XIRP2: variants seen among roughly 807,000 people sequenced by gnomAD.
XIRP2 encodes xin actin-binding repeat-containing protein 2.
In XIRP2, 236 loss-of-function variants were observed where a neutral mutation model predicts 277.0. That is an observed-to-expected ratio of 0.85 (90% CI 0.77 to 0.95). The LOEUF (loss-of-function observed/expected upper bound fraction) is 0.95. XIRP2 is among the 40% of genes least tolerant of loss of function. The pLI is 0.00. For synonymous variants in XIRP2, 1,490 were observed against 1,416.5 expected, an observed-to-expected ratio of 1.05 and a Z score of -1.17; for missense variants, 4,640 against 4,157.5, an observed-to-expected ratio of 1.12 and a Z score of -3.19.
chr2:167,211,380 C>A (rs1694042473), intron 4 of XIRP2, among the ~76,000 whole-genome samples: 1 of 152,182 alleles, frequency 6.6e-6, no homozygotes, highest in Admixed American at 6.5e-5. Context: ...CAGGCATGAG[C>A]CACTGTGCCC....
At chr2:167,197,561 G>A (rs1693554667) in intron 3 of XIRP2, among the ~76,000 whole-genome samples, 1 of 151,682 alleles carries the variant, frequency 6.6e-6, no homozygotes, top group Non-Finnish European at 1.5e-5. Context: ...AAAAATATTA[G>A]GGAAGTCTCT....
At chr2:167,013,663 A>G (rs1687744530) in intron 2 of XIRP2, among the ~76,000 whole-genome samples, 1 of 151,678 alleles carries the variant, frequency 6.6e-6, no homozygotes, top group Non-Finnish European at 1.5e-5. Context: ...CAAGGGACAT[A>G]TTTGTTACCA....
At chr2:167,014,100 G>A (rs961925159) in intron 2 of XIRP2, among the ~76,000 whole-genome samples, 2 of 151,500 alleles carry the variant, frequency 1.3e-5, no homozygotes, top group African/African-American at 4.8e-5. Context: ...TAGAAATAAT[G>A]ATGCTCTTAT....
intron 2 of XIRP2, among the ~76,000 whole-genome samples, chr2:167,118,363 T>C (rs1690954660): frequency 6.6e-6 from 1 of 151,914 alleles, no homozygotes; most frequent in African/African-American, 2.4e-5. Flanking sequence ...ACGCCTGTAA[T>C]CCCAGCTGCT....
intron 3 of XIRP2, among the ~76,000 whole-genome samples, chr2:167,147,779 G>T (rs1012474008): frequency 7.9e-5 from 12 of 152,236 alleles, no homozygotes; most frequent in Middle Eastern, 6.8e-3. Flanking sequence ...AAACTGTAGT[G>T]GTGAGAATAA....
intron 3 of XIRP2, among the ~76,000 whole-genome samples, chr2:167,145,387 A>C (rs967637525): frequency 1.3e-5 from 2 of 152,174 alleles, no homozygotes; most frequent in African/African-American, 4.8e-5. Context: ...GAAAAGAGGA[A>C]GGGGAATTAT....
chr2:167,247,305 G>C lies in XIRP2; in HGVS notation c.5913G>C (p.Arg1971Ser), dbSNP rs1280777048. 1 of 1,613,560 alleles carries C rather than the reference G, an allele frequency of 6.2e-7. No individual in the cohort carries two copies. Among genetic ancestry groups the C allele is most frequent in the Admixed American group, 1.7e-5 (1 of 59,954 alleles). The change falls in exon 9 of 11, where the codon AGG becomes AGC. Residue 1971 changes from arginine (R) to serine (S), a missense_variant. By Grantham distance (110) the Arg-to-Ser change is moderately radical. Coordinates refer to ENST00000409195, the MANE Select transcript of XIRP2 (RefSeq NM_152381.6). ...KTDIHQVAVQ[R>S]NKNSLLQPKP... Reference sequence around the variant, plus strand: ...ATATTCATCAGGTTGCTGTCCAGAGGAACAAAAATAGTCTTCTTCAGCCAA... The same window carrying C: ...ATATTCATCAGGTTGCTGTCCAGAGCAACAAAAATAGTCTTCTTCAGCCAA...
At chr2:167,240,248 C>T (rs1371323900) in intron 6 of XIRP2, among the ~76,000 whole-genome samples, 5 of 151,914 alleles carry the variant, frequency 3.3e-5, no homozygotes, top group African/African-American at 1.2e-4. Context: ...CCTGTCTCTA[C>T]TAAAAATACA....
intron 2 of XIRP2, among the ~76,000 whole-genome samples, chr2:167,108,755 T>C (rs1690671780): frequency 6.6e-6 from 1 of 151,920 alleles, no homozygotes; most frequent in Non-Finnish European, 1.5e-5. Context: ...CTTTAAAATG[T>C]ACACTCTTTA....
At chr2:167,081,753 CA>C (rs1689742916) in intron 2 of XIRP2, among the ~76,000 whole-genome samples, 1 of 152,032 alleles carries the variant, frequency 6.6e-6, no homozygotes, top group Admixed American at 6.6e-5. Flanking sequence ...AATTAGCACA[CA>C]AGAAGGTGTA....
Position 167,154,271 on chromosome 2 carries a change from T to C in XIRP2, c.562+18209T>C, listed in dbSNP as rs191317131. On this transcript the variant is annotated intron_variant, in intron 3 of 10. Transcript: ENST00000409195. ...GATGGGGTTGTTTGTTTTTTTCTTG[T>C]AAATTTGTTTGAGTTCATTGTAGAT... Among the ~76,000 whole-genome samples, 628 of 150,484 alleles carry C rather than the reference T, an allele frequency of 4.2e-3. 16 individuals are homozygous for C. Among genetic ancestry groups the C allele is most frequent in the Admixed American group, 0.039 (593 of 15,104 alleles).
At chr2:167,087,420 G>T (rs1205167862) in intron 2 of XIRP2, among the ~76,000 whole-genome samples, 1 of 152,172 alleles carries the variant, frequency 6.6e-6, no homozygotes, top group Non-Finnish European at 1.5e-5. Context: ...TGCCCCACAG[G>T]TGGAGCCTAC....
At chr2:167,252,915 A>G (rs1695556219) in intron 9 of XIRP2, among the ~76,000 whole-genome samples, 1 of 151,944 alleles carries the variant, frequency 6.6e-6, no homozygotes, top group Non-Finnish European at 1.5e-5. Context: ...CTTCTGGCAT[A>G]ATTAAGCAAA....
intron 5 of XIRP2, among the ~76,000 whole-genome samples, chr2:167,219,911 C>T (rs146975460): frequency 6.6e-6 from 1 of 152,226 alleles, no homozygotes; most frequent in East Asian, 1.9e-4. Context: ...CTCTTTAATA[C>T]TGCAAAAGAC....
rs565620243 is a variant in XIRP2 at position 167,223,999 on chromosome 2, C to T, written c.858+5699C>T. Among the ~76,000 whole-genome samples the T allele has an allele frequency of 1.9e-4, 29 of 152,186 alleles. No individual in the cohort carries two copies. The East Asian group carries it at 4.3e-3, about 22-fold the overall frequency. On this transcript the variant is annotated intron_variant, in intron 5 of 10. Transcript: ENST00000409195. ...AATTTGTTATAAAAAAGAAATTTGT[C>T]GGCTTTCATTCCCGGAGGATGAACA... is the stretch of plus-strand genomic sequence containing the variant.
intron 2 of XIRP2, among the ~76,000 whole-genome samples, chr2:167,025,336 C>G (rs1184725479): frequency 1.3e-5 from 2 of 151,556 alleles, no homozygotes; most frequent in Admixed American, 6.6e-5. Flanking sequence ...CTATTTGATT[C>G]TTCTCTCTTT....
rs1329165777 is a variant in XIRP2, at chr2:167,245,192, T to C, written c.3800T>C (p.Ile1267Thr). The change falls in exon 9 of 11, where the codon ATA becomes ACA. Residue 1267 changes from isoleucine to threonine, a missense_variant. Transcript: ENST00000409195. ...GDECVKTVTDIQGGDVRKGCF... is the reference protein window; with the variant it reads ...GDECVKTVTDTQGGDVRKGCF... ...GAATGTGTTAAGACGGTGACAGACA[T>C]ACAAGGTGGGGATGTAAGAAAGGGG... 1.9e-6 allele frequency: 3 copies of C among 1,613,580 alleles called. No homozygotes were observed. Among genetic ancestry groups the C allele is most frequent in the Non-Finnish European group, 2.5e-6 (3 of 1,179,736 alleles).
intron 2 of XIRP2, among the ~76,000 whole-genome samples, chr2:166,978,019 AATGT>A (rs1421753244): frequency 6.6e-6 from 1 of 152,160 alleles, no homozygotes; most frequent in African/African-American, 2.4e-5. Flanking sequence ...AAGTCTAATT[AATGT>A]GTGTATGTTT....
chr2:167,142,738 A>C (rs1441181976), intron 3 of XIRP2, among the ~76,000 whole-genome samples: 1 of 152,150 alleles, frequency 6.6e-6, no homozygotes, highest in Non-Finnish European at 1.5e-5. Context: ...TCAATGCTCC[A>C]AAATAAAGAC....
Sources: allele counts gnomAD v4.1 joint callset (sites outside exome capture counted in the v4.1 genomes callset), GRCh38; gene constraint gnomAD v4.1.1; transcripts MANE v1.5; gene names NCBI Gene and HGNC (gene_info 2026-07-23, HGNC 2026-07-21).